PAXIP1: variants seen among roughly 807,000 people sequenced by gnomAD.
The protein encoded by PAXIP1 is PAX-interacting protein 1.
PAXIP1 carries 19 observed loss-of-function variants against 140.6 expected under a neutral mutation model. That is an observed-to-expected ratio of 0.14 (90% confidence interval 0.09 to 0.20). PAXIP1 has a LOEUF of 0.20. Ranked by LOEUF, PAXIP1 falls within the 10% of genes least tolerant of loss-of-function variation. PAXIP1 has a pLI of 1.00. For missense variants in PAXIP1, 920 were observed against 1,208.6 expected (o/e 0.76, Z 3.54); for synonymous variants, 442 against 444.6 (o/e 0.99, Z 0.07).
Position 154,957,467 on chromosome 7 carries a change from G to C in PAXIP1, c.2479-173C>G, listed in dbSNP as rs936043220. On this transcript the variant is annotated intron_variant, in intron 13 of 20. Transcript: ENST00000404141. ...TCAAAAGATCACTAGGACAATGCAA[G>C]TGGGGAGAAGCAGCTAATATTCCGG... 8.5e-5 allele frequency among the ~76,000 whole-genome samples: 13 copies of C among 152,300 alleles called. No individual in the cohort carries two copies. Among genetic ancestry groups the C allele is most frequent in the Admixed American group, 1.3e-4 (2 of 15,292 alleles).
chr7:154,984,226 G>T (rs749546139), intron 4 of PAXIP1, among the ~76,000 whole-genome samples: 1 of 152,146 alleles, frequency 6.6e-6, no homozygotes, highest in Non-Finnish European at 1.5e-5. Flanking sequence ...GGCAGTTACT[G>T]CTGGGAAAGT....
At chr7:154,962,947 A>C (rs1040945395) in intron 9 of PAXIP1, among the ~76,000 whole-genome samples, 5 of 152,238 alleles carry the variant, frequency 3.3e-5, no homozygotes, top group Admixed American at 1.3e-4. Flanking sequence ...ATATATATAT[A>C]ATCTGTCTAC....
rs376252766 is a variant in PAXIP1 at position 155,002,458 on chromosome 7, G to C, written c.81+391C>G. On this transcript the variant is annotated intron_variant, in intron 1 of 20. Transcript: ENST00000404141. ...TCCCGGCGCCCCTCGTCCGCCCTCG[G>C]AGCTGCTCTCCCGGGAGCCGAGACG... Among the ~76,000 whole-genome samples the C allele has an allele frequency of 2.0e-5, 3 of 152,122 alleles. No individual in the cohort carries two copies. In the East Asian group the frequency reaches 5.8e-4, roughly 29 times the overall value.
intron 3 of PAXIP1, among the ~76,000 whole-genome samples, chr7:154,992,563 C>A (rs923049862): frequency 6.6e-6 from 1 of 151,278 alleles, no homozygotes; most frequent in Non-Finnish European, 1.5e-5. Context: ...CCACTGGACT[C>A]CAGCCTGGGC....
intron 12 of PAXIP1, 77 bp downstream of exon 12, chr7:154,960,816 T>TA: frequency 9.6e-7 from 1 of 1,045,064 alleles, no homozygotes; most frequent in Non-Finnish European, 1.3e-6. Flanking sequence ...TGGTAATTAG[T>TA]ATGAATAAAA....
rs114609093 is a variant in PAXIP1, at chr7:154,984,237, C to A, written c.325-905G>T. 5.3e-3 allele frequency among the ~76,000 whole-genome samples: 806 copies of A among 151,884 alleles called. 5 individuals are homozygous for A. Among genetic ancestry groups the A allele is most frequent in the African/African-American group, 0.018 (764 of 41,418 alleles). The stretch of plus-strand genomic sequence containing the variant: ...TAAGGGCAGTTACTGCTGGGAAAGT[C>A]AAAAATAATTTCTAAAAAAAATGAA... On this transcript the variant is annotated intron_variant, in intron 4 of 20. Coordinates refer to ENST00000404141, the MANE Select transcript of PAXIP1 (RefSeq NM_007349.4).
Position 155,000,221 on chromosome 7 carries a change from T to C in PAXIP1, c.82-1437A>G, listed in dbSNP as rs546723094. The C allele has an allele frequency of 7.2e-5, 11 of 152,312 alleles. No individual in the cohort carries two copies. The South Asian group carries it at 8.3e-4, about 11-fold the overall frequency. The allele number at this position is 152,312 out of a possible 1,614,324, so 9.4% of individuals were successfully genotyped here. A position where few individuals can be genotyped will look rare whatever the true frequency, so the allele number is the denominator to read the frequency against. ...TTCAGAATACTTTACCGACCACTAA[T>C]AGATATGAACTAGAGCAGAGGCTCA... is the stretch of plus-strand genomic sequence containing the variant. On this transcript the variant is annotated intron_variant, in intron 1 of 20. Coordinates refer to ENST00000404141, the MANE Select transcript of PAXIP1 (RefSeq NM_007349.4).
intron 1 of PAXIP1, chr7:155,002,200 T>C (rs1309536961): frequency 6.6e-6 from 1 of 152,234 alleles, no homozygotes; most frequent in Non-Finnish European, 1.5e-5. Flanking sequence ...AAATTAAATG[T>C]GTAATGTGAT....
At chr7:154,998,430 C>G (rs1203988443) in intron 2 of PAXIP1, among the ~76,000 whole-genome samples, 1 of 152,124 alleles carries the variant, frequency 6.6e-6, no homozygotes, top group Non-Finnish European at 1.5e-5. Context: ...ATCACTTGAA[C>G]CCGGGAGGCG....
intron 11 of PAXIP1, 51 bp downstream of exon 11, chr7:154,961,476 C>A (rs1195389804): frequency 1.4e-6 from 2 of 1,454,146 alleles, no homozygotes; most frequent in Non-Finnish European, 9.3e-7. Flanking sequence ...GAAATAGCCA[C>A]TATATTGTGT....
intron 8 of PAXIP1, chr7:154,967,592 GA>G (rs746846726): frequency 3.2e-4 from 165 of 507,882 alleles, no homozygotes; most frequent in Non-Finnish European, 4.5e-4. Flanking sequence ...TTTCCAAGCT[GA>G]AAAAAATAAA....
intron 8 of PAXIP1, among the ~76,000 whole-genome samples, chr7:154,966,250 G>A (rs756757076): frequency 2.0e-5 from 3 of 152,190 alleles, no homozygotes; most frequent in East Asian, 1.9e-4. Context: ...GCTGGCCCCC[G>A]CGCACTGCAC....
chr7:154,993,623 T>G lies in PAXIP1; in HGVS notation c.260+103A>C. On this transcript the variant is annotated intron_variant, in intron 3 of 20. Coordinates refer to ENST00000404141, the MANE Select transcript of PAXIP1 (RefSeq NM_007349.4). ...TATAAGATGTAGACAAAACAATCTG[T>G]CCTAACGAATGAATCCACTTTTCAC... 4 of 856,870 alleles carry G rather than the reference T, an allele frequency of 4.7e-6. No homozygotes were observed. The East Asian group carries it at 1.1e-4, about 23-fold the overall frequency. The allele number at this position is 856,870 out of a possible 1,614,324, so 53.1% of individuals were successfully genotyped here. A position where few individuals can be genotyped will look rare whatever the true frequency, so the allele number is the denominator to read the frequency against.
intron 1 of PAXIP1, 51 bp downstream of exon 1, chr7:155,002,796 ACG>A (rs1810987679): frequency 3.9e-6 from 4 of 1,025,124 alleles, no homozygotes; most frequent in Middle Eastern, 3.2e-4. Context: ...GGGGACGGGG[ACG>A]GACGGGGACG....
intron 8 of PAXIP1, 49 bp downstream of exon 8, chr7:154,967,767 A>T: frequency 5.4e-6 from 7 of 1,292,420 alleles, no homozygotes; most frequent in Non-Finnish European, 7.8e-6. Context: ...TCTACATAAG[A>T]AAGAAGCATC....
intron 13 of PAXIP1, among the ~76,000 whole-genome samples, chr7:154,959,461 A>G (rs1025259498): frequency 8.5e-5 from 13 of 152,178 alleles, no homozygotes; most frequent in Non-Finnish European, 1.6e-4. Context: ...AAGAGAAAAA[A>G]CAACTGATCT....
At position 154,955,576 on chromosome 7, in the gene PAXIP1, C is replaced by T; in HGVS notation, c.2605G>A (p.Val869Met). 2 of 1,606,732 alleles carry T rather than the reference C, an allele frequency of 1.2e-6. No homozygotes were observed. Among genetic ancestry groups the T allele is most frequent in the Middle Eastern group, 1.7e-4 (1 of 6,028 alleles). Reference protein sequence around the residue: ...KKLTPELTPFVLFTGFEPVQV... With the variant: ...KKLTPELTPFMLFTGFEPVQV... ...ACAGGCTCGAATCCAGTGAAAAGCA[C>T]AAAAGGGGTCAATTCTGGAGTTAGC... The change falls in exon 15 of 21, where the codon GTG becomes ATG. Residue 869 changes from valine to methionine, a missense_variant. Transcript: ENST00000404141.
intron 17 of PAXIP1, chr7:154,947,481 A>G (rs1808039827): frequency 5.6e-6 from 1 of 177,112 alleles, no homozygotes; most frequent in African/African-American, 2.4e-5. Context: ...AATTATATCT[A>G]TGCACACACT....
intron 4 of PAXIP1, among the ~76,000 whole-genome samples, chr7:154,987,541 C>A (rs1253719055): frequency 6.6e-6 from 1 of 152,160 alleles, no homozygotes; most frequent in East Asian, 1.9e-4. Context: ...TCATGCTCTG[C>A]AGGAATCTCC....
Sources: allele counts gnomAD v4.1 joint callset (sites outside exome capture counted in the v4.1 genomes callset), GRCh38; gene constraint gnomAD v4.1.1; transcripts MANE v1.5; gene names NCBI Gene and HGNC (gene_info 2026-07-23, HGNC 2026-07-21).